The following PLK5 variants were observed in gnomAD, a reference collection of about 807,000 sequenced individuals.
The protein encoded by PLK5 is polo like kinase 5 (inactive), also known as inactive serine/threonine-protein kinase PLK5.
PLK5 carries 28 observed loss-of-function variants against 33.7 expected under a neutral mutation model. The observed-to-expected ratio is 0.83, with a 90% CI of 0.62 to 1.14. The LOEUF (loss-of-function observed/expected upper bound fraction) is 1.14, where lower values mean the gene tolerates loss of function less well. PLK5 is among the 50% of genes most tolerant of loss of function. The pLI is 0.00. For synonymous variants in PLK5, 225 were observed against 202.2 expected (o/e 1.11, Z -0.96); for missense variants, 492 against 461.5 (o/e 1.07, Z -0.61).
Position 1,535,518 on chromosome 19 carries a change from A to C in PLK5, c.*268A>C. The C allele has an allele frequency of 6.5e-6, 3 of 458,374 alleles. No individual in the cohort carries two copies. The highest frequency in any genetic ancestry group is 3.3e-5 in the South Asian group (1 of 30,244). The allele number at this position is 458,374 out of a possible 1,614,324, so 28.4% of individuals were successfully genotyped here. On this transcript the variant is annotated 3_prime_UTR_variant, in exon 14 of 14. Coordinates refer to ENST00000454744, the MANE Select transcript of PLK5 (RefSeq NM_001243079.2). ...GAGGAGCTTTGGCAAAGAAACGTTG[A>C]CCCCACGTGACGTTGCATCCTCCCT... is the stretch of plus-strand genomic sequence containing the variant.
In PLK5 at chr19:1,535,326, C is replaced by T. The variant is rs1891507316; in HGVS notation, c.*76C>T. 1.7e-5 allele frequency: 24 copies of T among 1,440,604 alleles called. No individual in the cohort carries two copies. The highest frequency in any genetic ancestry group is 7.3e-5 in the African/African-American group (5 of 68,670). 89.2% of individuals were successfully genotyped at this position (1,440,604 alleles called of 1,614,324 possible). ...GCTCCATTTCCATTCCTGTGGCTCC[C>T]CCAGAGGGGCTGTCCTGGGGGAGGG... On this transcript the variant is annotated 3_prime_UTR_variant, in exon 14 of 14. Transcript: ENST00000454744.
Position 1,528,927 on chromosome 19 carries a change from C to T in PLK5, c.358C>T (p.Pro120Ser), listed in dbSNP as rs2145543052. 3 of 1,521,020 alleles carry T rather than the reference C, an allele frequency of 2.0e-6. 1 individual carries two copies. In the Admixed American group the frequency reaches 6.2e-5, roughly 31 times the overall value. The allele number at this position is 1,521,020 out of a possible 1,614,324, so 94.2% of individuals were successfully genotyped here. A position where few individuals can be genotyped will look rare whatever the true frequency, so the allele number is the denominator to read the frequency against. The change falls in exon 9 of 14, where the codon CCA becomes TCA. Residue 120 changes from proline to serine, a missense_variant. Pro to Ser is a moderately conservative substitution (Grantham distance 74). Coordinates refer to ENST00000454744, the MANE Select transcript of PLK5 (RefSeq NM_001243079.2). The part of the protein sequence containing the change: ...CPFTPKEASG[P>S]GEGGPDPDSM... ...CTTCACGCCTAAAGAGGCCTCGGGT[C>T]CAGGAGAAGGTGGGCCAGACCCTGA...
At chr19:1,530,556 C>T (rs1190101191) in intron 11 of PLK5, among the ~76,000 whole-genome samples, 1 of 151,348 alleles carries the variant, frequency 6.6e-6, no homozygotes, top group Admixed American at 6.6e-5. Context: ...GCCTCAGCCT[C>T]CCAAAGTGCT....
At position 1,529,426 on chromosome 19, in the gene PLK5, G is replaced by C. The variant is rs1388612655; in HGVS notation, c.426G>C (p.Glu142Asp). Residue 142 changes from glutamate to aspartate, a missense_variant, in exon 10 of 14, where the codon GAG (glutamate) becomes GAC (aspartate). Coordinates refer to ENST00000454744, the MANE Select transcript of PLK5 (RefSeq NM_001243079.2). ...WDGESSLSAK[E>D]VPCLEGPIHL... ...CTCAGAGCTCCCTGTCTGCGAAAGA[G>C]GTTCCCTGCCTGGAAGGCCCCATCC... The C allele has an allele frequency of 3.3e-6, 5 of 1,535,832 alleles. No homozygotes were observed. The East Asian group carries it at 9.8e-5, about 30-fold the overall frequency.
chr19:1,534,154 G>GTA, intron 13 of PLK5, 113 bp downstream of exon 13: 3 of 462,040 alleles, frequency 6.5e-6, no homozygotes, highest in Non-Finnish European at 1.0e-5. Context: ...TTGCCTCCCA[G>GTA]GAAAAAAAAA....
At position 1,528,132 on chromosome 19, in the gene PLK5, C is replaced by T. The variant is rs1022859973; in HGVS notation, c.199C>T (p.Gln67Ter). The T allele has an allele frequency of 2.6e-5, 38 of 1,470,506 alleles. No individual in the cohort carries two copies. The highest frequency in any genetic ancestry group is 2.4e-5 in the Non-Finnish European group (27 of 1,112,868). 91.1% of individuals were successfully genotyped at this position (1,470,506 alleles called of 1,614,324 possible). The stretch of plus-strand genomic sequence containing the variant: ...CCTGCTGCAGGACGACTTCTTCACA[C>T]AGGTGGGCGGCGGTCCTCGGCGTGG... Reference protein sequence around the residue: ...DHLLQDDFFTQGFTPDRLPAH... With the variant: ...DHLLQDDFFT The change falls in exon 7 of 14, where the codon CAG (glutamine) becomes TAG (stop). Residue 67 changes from glutamine (Q) to a stop codon, truncating the protein, a stop_gained and splice_region_variant. Transcript: ENST00000454744. LOFTEE classifies it high-confidence loss of function.
intron 11 of PLK5, among the ~76,000 whole-genome samples, chr19:1,530,707 C>T (rs1375946261): frequency 3.4e-5 from 5 of 146,800 alleles, no homozygotes; most frequent in Admixed American, 7.1e-5. Flanking sequence ...GCAAGCTCTG[C>T]CTCCCGGGTT....
intron 6 of PLK5, 69 bp from the exon 7 acceptor site, chr19:1,527,867 G>T (rs780384238): frequency 8.7e-5 from 126 of 1,449,020 alleles, no homozygotes; most frequent in Non-Finnish European, 1.1e-4. Context: ...AGGCAGGTCT[G>T]GCCAAGTGTG....
Position 1,535,249 on chromosome 19 carries a change from A to G in PLK5, c.1010A>G (p.Ter337TrpextTer3), listed in dbSNP as rs2145551464. The G allele has an allele frequency of 6.5e-7, 1 of 1,535,104 alleles. No homozygotes were observed. The highest frequency in any genetic ancestry group is 1.4e-5 in the African/African-American group (1 of 73,066). The change falls in exon 14 of 14, where the codon TAG becomes TGG. Residue 337 changes from the stop codon to tryptophan (W), a stop_lost. Coordinates refer to ENST00000454744, the MANE Select transcript of PLK5 (RefSeq NM_001243079.2). ...GCCCTCCGCATGCTGCAGAGTATCT[A>G]GTGCCCCTGAGGGTCAGAGTGGACC... is the stretch of plus-strand genomic sequence containing the variant. The part of the protein sequence containing the change: ...HHALRMLQSI[*>W]
Position 1,528,403 on chromosome 19 carries a change from G to T in PLK5, c.303G>T (p.Arg101=). 1.3e-6 allele frequency: 2 copies of T among 1,534,392 alleles called. No homozygotes were observed. Among genetic ancestry groups the T allele is most frequent in the Non-Finnish European group, 1.7e-6 (2 of 1,146,314 alleles). ...LGRIFRKVGQ[R]LLTQCRPPCP... Reference sequence around the variant, plus strand: ...GGATCTTCCGGAAGGTGGGCCAGCGGCTGCTCACCCAGTGCCGGCCACCCT... The same window carrying T: ...GGATCTTCCGGAAGGTGGGCCAGCGTCTGCTCACCCAGTGCCGGCCACCCT... Residue 101 remains arginine (R), a synonymous_variant, in exon 8 of 14, where the codon CGG becomes CGT. Transcript: ENST00000454744.
rs186354572 is a variant in PLK5, at chr19:1,530,457, C to T, written c.568+633C>T. Among the ~76,000 whole-genome samples, 18 of 152,156 alleles carry T rather than the reference C, an allele frequency of 1.2e-4. No individual in the cohort carries two copies. The East Asian group carries it at 3.3e-3, about 28-fold the overall frequency. ...AGATTACAGGCGTGTGCCACCACAC[C>T]TGCTAATTTCTGTATTCTTTTAGTA... On this transcript the variant is annotated intron_variant, in intron 11 of 13. Transcript: ENST00000454744.
At chr19:1,529,023 C>A in intron 9 of PLK5, 49 bp downstream of exon 9, 1 of 1,418,826 alleles carries the variant, frequency 7.0e-7, no homozygotes, top group Non-Finnish European at 9.3e-7. Context: ...GGAGGGCATG[C>A]TGGCCCCTGC....
intron 3 of PLK5, among the ~76,000 whole-genome samples, 199 bp from the exon 4 acceptor site, chr19:1,526,287 G>C (rs1047760495): frequency 2.8e-5 from 4 of 143,058 alleles, no homozygotes; most frequent in African/African-American, 5.5e-5. Context: ...GGGCAGCTGT[G>C]CCCGTGGGGA....
In PLK5 at chr19:1,527,012, T is replaced by C; in HGVS notation, c.2+14T>C. The C allele has an allele frequency of 7.9e-7, 1 of 1,266,542 alleles. No homozygotes were observed. Among genetic ancestry groups the C allele is most frequent in the Non-Finnish European group, 1.0e-6 (1 of 982,066 alleles). 78.5% of individuals were successfully genotyped at this position (1,266,542 alleles called of 1,614,324 possible). On this transcript the variant is annotated intron_variant, in intron 6 of 13. Transcript: ENST00000454744. ...GGGCTGCATCATGTGAGTGGGGTCCTGGAGAAGGTGGGCAGGGCCTCCGGG... is the reference window on the plus strand; with the variant it reads ...GGGCTGCATCATGTGAGTGGGGTCCCGGAGAAGGTGGGCAGGGCCTCCGGG...
intron 11 of PLK5, among the ~76,000 whole-genome samples, chr19:1,531,172 A>T (rs1159946893): frequency 6.6e-6 from 1 of 151,864 alleles, no homozygotes; most frequent in Non-Finnish European, 1.5e-5. Flanking sequence ...GCACTTTGGG[A>T]GGCTGAAGCA....
intron 11 of PLK5, among the ~76,000 whole-genome samples, chr19:1,530,231 C>T (rs542048806): frequency 1.3e-5 from 2 of 152,200 alleles, no homozygotes; most frequent in East Asian, 3.9e-4. Context: ...CACATACTGC[C>T]ACCCTTAGAG....
intron 13 of PLK5, 70 bp downstream of exon 13, chr19:1,534,111 C>T (rs1012096807): frequency 1.2e-5 from 15 of 1,201,340 alleles, no homozygotes; most frequent in African/African-American, 9.6e-5. Flanking sequence ...TGGGCTGTTA[C>T]GGAGCAAGCT....
chr19:1,535,220 C>G lies in PLK5; in HGVS notation c.981C>G (p.His327Gln). 1 of 1,536,010 alleles carries G rather than the reference C, an allele frequency of 6.5e-7. No homozygotes were observed. The highest frequency in any genetic ancestry group is 8.7e-7 in the Non-Finnish European group (1 of 1,146,824). The change falls in exon 14 of 14, where the codon CAC becomes CAG. Residue 327 changes from histidine (H) to glutamine (Q), a missense_variant. Physicochemically the swap from His to Gln is conservative, Grantham distance 24 (BLOSUM62 0). Coordinates refer to ENST00000454744, the MANE Select transcript of PLK5 (RefSeq NM_001243079.2). The part of the protein sequence containing the change: ...GCAPTTGQHL[H>Q]HALRMLQSI The stretch of plus-strand genomic sequence containing the variant: ...CCCCCACCACCGGACAGCACCTTCA[C>G]CACGCCCTCCGCATGCTGCAGAGTA...
intron 12 of PLK5, among the ~76,000 whole-genome samples, chr19:1,532,117 AGG>A (rs1913949276): frequency 6.6e-6 from 1 of 152,154 alleles, no homozygotes; most frequent in Non-Finnish European, 1.5e-5. Context: ...GGGAAGGGGA[AGG>A]GGTCTCTGAG....
Sources: gnomAD v4.1 joint callset for allele counts (sites outside exome capture counted in the v4.1 genomes callset) on GRCh38, gnomAD v4.1.1 for gene constraint, MANE v1.5 for transcripts, NCBI Gene and HGNC (gene_info 2026-07-23, HGNC 2026-07-21) for gene names.